Variants in ANKS1B observed in about 807,000 individuals in gnomAD.
ANKS1B encodes ankyrin repeat and sterile alpha motif domain-containing protein 1B.
A neutral mutation model predicts 148.3 loss-of-function variants in ANKS1B; 36 were observed. The ratio of observed to expected loss-of-function variants is 0.24; its 90% CI spans 0.19 to 0.32. ANKS1B has a LOEUF of 0.32. Among genes scored for constraint, ANKS1B ranks in the 10% least tolerant of loss-of-function variants. ANKS1B has a pLI of 1.00. For missense variants in ANKS1B, 1,157 were observed against 1,542.6 expected (o/e 0.75, Z 4.19); for synonymous variants, 542 against 560.8 (o/e 0.97, Z 0.47).
intron 1 of ANKS1B, among the ~76,000 whole-genome samples, chr12:99,950,735 C>A (rs1032754173): frequency 1.3e-5 from 2 of 152,092 alleles, no homozygotes; most frequent in Non-Finnish European, 2.9e-5. Flanking sequence ...AAACCACCCC[C>A]CCCAATAACC....
intron 25 of ANKS1B, among the ~76,000 whole-genome samples, chr12:98,766,041 G>A (rs1456006431): frequency 1.3e-5 from 2 of 152,334 alleles, no homozygotes; most frequent in African/African-American, 2.4e-5. Flanking sequence ...CATAAATGCT[G>A]CAAAGCAATC....
intron 15 of ANKS1B, among the ~76,000 whole-genome samples, chr12:99,112,794 T>C (rs1404864704): frequency 6.6e-6 from 1 of 152,224 alleles, no homozygotes; most frequent in Non-Finnish European, 1.5e-5. Context: ...TTCTTTCCAC[T>C]CCCAGCCATG....
chr12:99,854,382 C>T (rs1286058261), intron 1 of ANKS1B, among the ~76,000 whole-genome samples: 1 of 152,140 alleles, frequency 6.6e-6, no homozygotes, highest in African/African-American at 2.4e-5. Flanking sequence ...AGGAACAAAG[C>T]CTCCAATAAT....
At chr12:98,750,108 A>G (rs1410887925) in intron 26 of ANKS1B, among the ~76,000 whole-genome samples, 1 of 152,138 alleles carries the variant, frequency 6.6e-6, no homozygotes, top group Admixed American at 6.5e-5. Flanking sequence ...TGGAAATGTG[A>G]AAGAAGCTGG....
intron 14 of ANKS1B, among the ~76,000 whole-genome samples, chr12:99,229,942 G>A (rs975685983): frequency 4.0e-5 from 6 of 151,776 alleles, no homozygotes; most frequent in Middle Eastern, 3.4e-3. Context: ...TATATATACT[G>A]GAAATATGAA....
At chr12:98,816,436 C>G (rs185983499) in intron 19 of ANKS1B, among the ~76,000 whole-genome samples, 1 of 152,144 alleles carries the variant, frequency 6.6e-6, no homozygotes, top group Non-Finnish European at 1.5e-5. Flanking sequence ...GCTGGGATTA[C>G]AGGTGTGCAC....
chr12:99,748,389 A>C (rs1192609707), intron 8 of ANKS1B, among the ~76,000 whole-genome samples: 2 of 151,728 alleles, frequency 1.3e-5, no homozygotes, highest in Admixed American at 6.6e-5. Flanking sequence ...ATCTGCCTAA[A>C]ATTGGCTTGA....
intron 17 of ANKS1B, among the ~76,000 whole-genome samples, chr12:98,852,309 G>A (rs1222297080): frequency 6.6e-6 from 1 of 152,188 alleles, no homozygotes; most frequent in Non-Finnish European, 1.5e-5. Flanking sequence ...GAGCAGATCT[G>A]AGAAATCTCT....
chr12:98,773,795 T>C lies in ANKS1B; in HGVS notation c.3442-616A>G, dbSNP rs561833099. Among the ~76,000 whole-genome samples the C allele has an allele frequency of 2.6e-5, 4 of 152,320 alleles. No individual in the cohort carries two copies. The East Asian group carries it at 7.7e-4, about 29-fold the overall frequency. On this transcript the variant is annotated intron_variant, in intron 24 of 26. Coordinates refer to ENST00000683438, the MANE Select transcript of ANKS1B (RefSeq NM_001352186.2). ...TAATAGTAATTACTAAGCATTTGAC[T>C]GTTTCCATTCCCCATGTCCACCTGT...
At chr12:99,212,453 G>T (rs1279566361) in intron 14 of ANKS1B, among the ~76,000 whole-genome samples, 1 of 151,872 alleles carries the variant, frequency 6.6e-6, no homozygotes, top group African/African-American at 2.4e-5. Flanking sequence ...GACCTTGCCA[G>T]CTGACAGAAG....
intron 4 of ANKS1B, among the ~76,000 whole-genome samples, chr12:99,805,298 T>G (rs1602523327): frequency 1.5e-5 from 1 of 66,150 alleles, no homozygotes; most frequent in Non-Finnish European, 3.0e-5. Context: ...AGACTAACCC[T>G]GGAGTTGGGG....
intron 9 of ANKS1B, among the ~76,000 whole-genome samples, chr12:99,516,042 G>C (rs1241632925): frequency 6.6e-6 from 1 of 151,974 alleles, no homozygotes; most frequent in Non-Finnish European, 1.5e-5. Flanking sequence ...TGTTTGGACT[G>C]CTTTTATATT....
intron 19 of ANKS1B, among the ~76,000 whole-genome samples, chr12:98,820,402 T>G (rs2099175742): frequency 6.6e-6 from 1 of 152,242 alleles, no homozygotes; most frequent in African/African-American, 2.4e-5. Flanking sequence ...TGATACGCTA[T>G]TGTTCCAGGC....
intron 1 of ANKS1B, among the ~76,000 whole-genome samples, chr12:99,859,433 G>C (rs1413268301): frequency 6.6e-6 from 1 of 152,122 alleles, no homozygotes; most frequent in Non-Finnish European, 1.5e-5. Context: ...ATTCTTTGAG[G>C]TACTGTTAGC....
chr12:99,350,206 T>C (rs1038311082), intron 12 of ANKS1B, among the ~76,000 whole-genome samples: 1 of 152,018 alleles, frequency 6.6e-6, no homozygotes, highest in Non-Finnish European at 1.5e-5. Context: ...CCCTGTAAGA[T>C]GTGCCTGCGT....
chr12:99,484,172 C>A (rs2096455389), intron 10 of ANKS1B, among the ~76,000 whole-genome samples: 1 of 151,796 alleles, frequency 6.6e-6, no homozygotes, highest in Non-Finnish European at 1.5e-5. Flanking sequence ...TTGCTGTATC[C>A]CAGAGAATTT....
At chr12:98,888,899 T>C (rs534625554) in intron 17 of ANKS1B, among the ~76,000 whole-genome samples, 4 of 152,246 alleles carry the variant, frequency 2.6e-5, no homozygotes, top group African/African-American at 4.8e-5. Context: ...ATATCTGCTC[T>C]AGAAAACTAG....
At chr12:98,936,581 C>A (rs576684432) in intron 17 of ANKS1B, among the ~76,000 whole-genome samples, 22 of 151,786 alleles carry the variant, frequency 1.4e-4, no homozygotes, top group Non-Finnish European at 3.2e-4. Flanking sequence ...GAGCCGAGAT[C>A]GCACCACTGC....
At chr12:99,093,081 C>T (rs934822622) in intron 15 of ANKS1B, among the ~76,000 whole-genome samples, 8 of 152,078 alleles carry the variant, frequency 5.3e-5, no homozygotes, top group South Asian at 2.1e-4. Flanking sequence ...ATGGAGATTC[C>T]GGTCCATAGA....
Sources: allele counts gnomAD v4.1 joint callset (sites outside exome capture counted in the v4.1 genomes callset), GRCh38; gene constraint gnomAD v4.1.1; transcripts MANE v1.5; gene names NCBI Gene and HGNC (gene_info 2026-07-23, HGNC 2026-07-21).